The following TPRG1 variants were observed in gnomAD, a reference collection of about 807,000 sequenced individuals.
TPRG1 encodes the protein tumor protein p63-regulated gene 1 protein.
In TPRG1, 29 loss-of-function variants were observed where a neutral mutation model predicts 29.3. The ratio of observed to expected loss-of-function variants is 0.99; its 90% CI spans 0.74 to 1.35. The LOEUF (loss-of-function observed/expected upper bound fraction) is 1.35. TPRG1 is among the 40% of genes most tolerant of loss of function. The pLI, the probability that TPRG1 is intolerant of heterozygous loss-of-function variation, is 0.00. For synonymous variants in TPRG1, 130 were observed against 116.8 expected, an observed-to-expected ratio of 1.11 and a Z score of -0.73; for missense variants, 327 against 335.0, an observed-to-expected ratio of 0.98 and a Z score of 0.19.
chr3:189,198,320 G>C (rs1732894674), intron 1 of TPRG1, among the ~76,000 whole-genome samples: 1 of 152,068 alleles, frequency 6.6e-6, no homozygotes, highest in South Asian at 2.1e-4. Context: ...ACCATCTTCT[G>C]TCTCTATGGT....
intron 3 of TPRG1, among the ~76,000 whole-genome samples, chr3:189,018,635 C>T (rs113251533): frequency 3.9e-4 from 59 of 149,850 alleles, no homozygotes; most frequent in African/African-American, 1.2e-3. Flanking sequence ...TTACTGTAGC[C>T]TTGTAGTATA....
intron 4 of TPRG1, among the ~76,000 whole-genome samples, chr3:189,278,340 G>A (rs1716511310): frequency 6.6e-6 from 1 of 152,146 alleles, no homozygotes; most frequent in Admixed American, 6.5e-5. Context: ...AGCAGCAGGG[G>A]TCTACAGGTC....
In TPRG1 at chr3:189,323,034, AAG is replaced by A. The variant is rs1176744184; in HGVS notation, c.*2216_*2217del. On this transcript the variant is annotated 3_prime_UTR_variant, in exon 6 of 6. Transcript: ENST00000345063. ...AGCGGTATTATGACCAGAGGGTGAG[AAG>A]ATTTAGGAATTTGGATAGCAGTTCA... 2 of 152,092 alleles carry A rather than the reference AAG, an allele frequency of 1.3e-5. No homozygotes were observed. Among genetic ancestry groups the A allele is most frequent in the Admixed American group, 1.3e-4 (2 of 15,236 alleles). The allele number at this position is 152,092 out of a possible 1,614,324, so 9.4% of individuals were successfully genotyped here.
At chr3:189,210,135 G>T (rs916301052) in intron 2 of TPRG1, among the ~76,000 whole-genome samples, 3 of 152,016 alleles carry the variant, frequency 2.0e-5, no homozygotes, top group African/African-American at 7.3e-5. Flanking sequence ...GTGTGTGTTG[G>T]GGGGAGGGTA....
chr3:189,124,529 A>T, intron 1 of TPRG1, among the ~76,000 whole-genome samples: 1 of 140,712 alleles, frequency 7.1e-6, no homozygotes. Context: ...TTTTTTTAAG[A>T]ACAAAGGACT....
intron 4 of TPRG1, among the ~76,000 whole-genome samples, chr3:189,093,815 C>T (rs891871638): frequency 6.6e-6 from 1 of 152,124 alleles, no homozygotes; most frequent in African/African-American, 2.4e-5. Context: ...GAAACACAAT[C>T]CTGATGTTCT....
chr3:189,215,707 C>G (rs952054284), intron 3 of TPRG1, among the ~76,000 whole-genome samples: 1 of 152,072 alleles, frequency 6.6e-6, no homozygotes, highest in Admixed American at 6.6e-5. Context: ...AAAAGCACTC[C>G]CCCTATAAAC....
intron 4 of TPRG1, among the ~76,000 whole-genome samples, chr3:189,057,866 GTATGTGTGTA>G (rs1272696195): frequency 0.014 from 1,600 of 110,524 alleles, 41 homozygotes; most frequent in East Asian, 0.1. Context: ...ACACACATAC[GTATGTGTGTA>G]TATATATATA....
intron 1 of TPRG1, among the ~76,000 whole-genome samples, chr3:189,206,653 G>A (rs1437605107): frequency 1.3e-5 from 2 of 151,712 alleles, no homozygotes; most frequent in South Asian, 2.1e-4. Flanking sequence ...GGCACATTCC[G>A]CCATGTCTGG....
At chr3:189,165,970 C>G (rs1235395918) in intron 5 of TPRG1, among the ~76,000 whole-genome samples, 1 of 152,182 alleles carries the variant, frequency 6.6e-6, no homozygotes, top group African/African-American at 2.4e-5. Flanking sequence ...GATTTGGGCT[C>G]TCTGGAAACC....
At chr3:189,044,945 A>G (rs1375653333) in intron 4 of TPRG1, among the ~76,000 whole-genome samples, 1 of 152,208 alleles carries the variant, frequency 6.6e-6, no homozygotes, top group African/African-American at 2.4e-5. Flanking sequence ...GTTTTTTGAC[A>G]GTGTAATGCT....
intron 5 of TPRG1, among the ~76,000 whole-genome samples, chr3:189,317,867 G>A (rs1430585712): frequency 2.6e-5 from 4 of 152,204 alleles, no homozygotes; most frequent in Admixed American, 6.6e-5. Flanking sequence ...CATGTGTTCA[G>A]AGAGGAGGGT....
At chr3:189,308,222 G>T (rs1721917089) in intron 4 of TPRG1, among the ~76,000 whole-genome samples, 2 of 152,234 alleles carry the variant, frequency 1.3e-5, no homozygotes, top group South Asian at 2.1e-4. Flanking sequence ...AAATAAGCTT[G>T]CCCATAGTCA....
chr3:189,065,306 T>C (rs901195437), intron 4 of TPRG1, among the ~76,000 whole-genome samples: 2 of 152,112 alleles, frequency 1.3e-5, no homozygotes, highest in African/African-American at 4.8e-5. Flanking sequence ...AGGAAACACT[T>C]ATTACCTTAT....
chr3:189,184,047 A>T (rs1254098624), intron 1 of TPRG1, among the ~76,000 whole-genome samples: 2 of 152,160 alleles, frequency 1.3e-5, no homozygotes, highest in Non-Finnish European at 2.9e-5. Context: ...AATTTGGGGA[A>T]CTAATAAATG....
At chr3:189,271,609 A>G (rs987241907) in intron 4 of TPRG1, among the ~76,000 whole-genome samples, 1 of 152,222 alleles carries the variant, frequency 6.6e-6, no homozygotes, top group Non-Finnish European at 1.5e-5. Context: ...TTTTGGATAG[A>G]ATTTACACAA....
intron 4 of TPRG1, among the ~76,000 whole-genome samples, chr3:189,305,563 T>G (rs1721495063): frequency 6.6e-6 from 1 of 152,232 alleles, no homozygotes; most frequent in Non-Finnish European, 1.5e-5. Context: ...AAACTTCTAT[T>G]GGTCTGCTAT....
At chr3:189,250,517 C>CCG (rs1553931505) in intron 4 of TPRG1, among the ~76,000 whole-genome samples, 2 of 107,810 alleles carry the variant, frequency 1.9e-5, no homozygotes, top group African/African-American at 3.3e-5. Flanking sequence ...CCCCCCCCCC[C>CCG]ACCCAGATTA....
intron 4 of TPRG1, among the ~76,000 whole-genome samples, chr3:189,065,423 C>T (rs1351480763): frequency 6.6e-6 from 1 of 151,730 alleles, no homozygotes; most frequent in Non-Finnish European, 1.5e-5. Flanking sequence ...ACATTTTAAA[C>T]AAAATATTAA....
Sources: gnomAD v4.1 joint callset for allele counts (sites outside exome capture counted in the v4.1 genomes callset) on GRCh38, gnomAD v4.1.1 for gene constraint, MANE v1.5 for transcripts, NCBI Gene and HGNC (gene_info 2026-07-23, HGNC 2026-07-21) for gene names.